RC3H1: variants seen among roughly 807,000 people sequenced by gnomAD.
RC3H1 encodes the protein ring finger and CCCH-type domains 1.
RC3H1 carries 50 observed loss-of-function variants against 138.2 expected under a neutral mutation model. That is an observed-to-expected ratio of 0.36 (90% CI 0.29 to 0.46). The LOEUF is 0.46. Ranked by LOEUF, RC3H1 falls within the 20% of genes least tolerant of loss-of-function variation. The pLI is 1.00. For synonymous variants in RC3H1, 462 were observed against 489.1 expected (o/e 0.94, Z 0.73); for missense variants, 1,031 against 1,388.1 (o/e 0.74, Z 4.09).
rs529432205 is a variant in RC3H1 at position 174,011,385 on chromosome 1, A to G, written c.-151+10711T>C. Among the ~76,000 whole-genome samples, 3 of 152,208 alleles carry G rather than the reference A, an allele frequency of 2.0e-5. No individual in the cohort carries two copies. In the East Asian group the frequency reaches 5.8e-4, roughly 29 times the overall value. On this transcript the variant is annotated intron_variant, in intron 1 of 19. Coordinates refer to ENST00000367696, the MANE Select transcript of RC3H1 (RefSeq NM_172071.4). ...TTGACAGTTTTAACTAAAACCATTC[A>G]AAAACTGCTATCAATGGGGTAATTA...
chr1:173,933,020 G>T lies in RC3H1; in HGVS notation c.*5701C>A, dbSNP rs189171042. 6.6e-6 allele frequency: 1 copy of T among 151,906 alleles called. No homozygotes were observed. The highest frequency in any genetic ancestry group is 6.6e-5 in the Admixed American group (1 of 15,262). 9.4% of individuals were successfully genotyped at this position (151,906 alleles called of 1,614,324 possible). A position where few individuals can be genotyped will look rare whatever the true frequency, so the allele number is the denominator to read the frequency against. ...CAGAAACAAAAACAAATCTGAAACA[G>T]TAAGACCTCAATACAAGAAAACAAG... On this transcript the variant is annotated 3_prime_UTR_variant, in exon 20 of 20. Coordinates refer to ENST00000367696, the MANE Select transcript of RC3H1 (RefSeq NM_172071.4).
intron 11 of RC3H1, among the ~76,000 whole-genome samples, chr1:173,963,011 T>C (rs903444046): frequency 6.6e-6 from 1 of 152,214 alleles, no homozygotes; most frequent in Non-Finnish European, 1.5e-5. Context: ...TTAAAAATTA[T>C]AGTACTATAC....
intron 2 of RC3H1, among the ~76,000 whole-genome samples, chr1:173,990,827 C>T (rs559594042): frequency 2.0e-5 from 3 of 152,254 alleles, no homozygotes; most frequent in Admixed American, 2.0e-4. Context: ...TGGTCTTGAT[C>T]TCCTGACCTC....
chr1:174,005,728 A>T (rs905959127), intron 1 of RC3H1, among the ~76,000 whole-genome samples: 2 of 152,176 alleles, frequency 1.3e-5, no homozygotes, highest in Non-Finnish European at 2.9e-5. Flanking sequence ...AAAAATATTT[A>T]CCATTTGTGC....
chr1:173,994,208 A>G (rs1661405626), intron 1 of RC3H1, among the ~76,000 whole-genome samples: 1 of 151,878 alleles, frequency 6.6e-6, no homozygotes, highest in Non-Finnish European at 1.5e-5. Flanking sequence ...ACTGGCCAAC[A>G]TGGTGAAACC....
chr1:173,968,707 G>T (rs1317952860), intron 9 of RC3H1, among the ~76,000 whole-genome samples: 1 of 152,034 alleles, frequency 6.6e-6, no homozygotes, highest in Non-Finnish European at 1.5e-5. Flanking sequence ...ATTACTAGCA[G>T]AAAATTTTGC....
chr1:173,975,572 T>C (rs1660539653), intron 7 of RC3H1, among the ~76,000 whole-genome samples: 1 of 151,936 alleles, frequency 6.6e-6, no homozygotes, highest in South Asian at 2.1e-4. Context: ...TGCTAAGATC[T>C]GAAATAATTA....
chr1:174,013,365 G>A (rs1435120301), intron 1 of RC3H1, among the ~76,000 whole-genome samples: 1 of 151,964 alleles, frequency 6.6e-6, no homozygotes, highest in Non-Finnish European at 1.5e-5. Context: ...TTGAGCCCTT[G>A]AAATGTGCTG....
intron 11 of RC3H1, 144 bp downstream of exon 11, chr1:173,963,829 A>G (rs993424781): frequency 3.0e-6 from 2 of 658,376 alleles, no homozygotes; most frequent in African/African-American, 3.6e-5. Context: ...TAATCATAAA[A>G]TCTCAATTTT....
rs898902401 is a variant in RC3H1 at position 173,946,893 on chromosome 1, T to C, written c.2738-57A>G. The C allele has an allele frequency of 6.6e-6, 8 of 1,212,950 alleles. No homozygotes were observed. In the African/African-American group the frequency reaches 1.0e-4, roughly 16 times the overall value. The allele number at this position is 1,212,950 out of a possible 1,614,324, so 75.1% of individuals were successfully genotyped here. ...CACAGATTTGATTCTTCTTTTAAGG[T>C]ATTCATAATCTGAAAGACATCAGCG... is the stretch of plus-strand genomic sequence containing the variant. On this transcript the variant is annotated intron_variant, in intron 15 of 19. Coordinates refer to ENST00000367696, the MANE Select transcript of RC3H1 (RefSeq NM_172071.4).
rs150265616 is a variant in RC3H1 at position 173,962,214 on chromosome 1, C to T, written c.1832-119G>A. The T allele has an allele frequency of 1.3e-4, 134 of 1,001,616 alleles. 1 individual carries two copies. The African/African-American group carries it at 1.4e-3, about 10-fold the overall frequency. 62.0% of individuals were successfully genotyped at this position (1,001,616 alleles called of 1,614,324 possible). ...TATTGATAATCTACTTATTTCTTTA[C>T]GAGTTTTCCATCTGCTTATATAATC... On this transcript the variant is annotated intron_variant, in intron 11 of 19. Transcript: ENST00000367696.
chr1:173,950,871 C>G (rs1436851371), intron 14 of RC3H1, among the ~76,000 whole-genome samples: 2 of 150,500 alleles, frequency 1.3e-5, no homozygotes, highest in African/African-American at 4.9e-5. Context: ...ATCTCTACAA[C>G]ATTTTTTTAA....
intron 1 of RC3H1, among the ~76,000 whole-genome samples, chr1:174,002,221 A>C (rs1661577561): frequency 6.6e-6 from 1 of 152,178 alleles, no homozygotes; most frequent in African/African-American, 2.4e-5. Flanking sequence ...CATCTTTTGA[A>C]ATCAGTCCTC....
intron 1 of RC3H1, among the ~76,000 whole-genome samples, chr1:173,996,639 G>T (rs1661466591): frequency 6.6e-6 from 1 of 152,140 alleles, no homozygotes; most frequent in Non-Finnish European, 1.5e-5. Flanking sequence ...CATCCTGGGA[G>T]AAGCTATAGC....
chr1:173,962,871 T>C (rs1262571955), intron 11 of RC3H1, among the ~76,000 whole-genome samples: 1 of 152,210 alleles, frequency 6.6e-6, no homozygotes, highest in African/African-American at 2.4e-5. Flanking sequence ...TTTTATCATA[T>C]TTTGCATGAA....
intron 13 of RC3H1, among the ~76,000 whole-genome samples, chr1:173,959,978 C>T (rs891329313): frequency 4.6e-5 from 7 of 151,516 alleles, no homozygotes; most frequent in African/African-American, 1.2e-4. Context: ...CGTGGTGGTG[C>T]GTGCCTGTAA....
At chr1:173,976,726 GA>G (rs906820106) in intron 7 of RC3H1, among the ~76,000 whole-genome samples, 1 of 151,978 alleles carries the variant, frequency 6.6e-6, no homozygotes, top group Admixed American at 6.6e-5. Flanking sequence ...AGCAGTCAGG[GA>G]AAAAAATCAC....
At chr1:173,964,446 C>A in intron 10 of RC3H1, among the ~76,000 whole-genome samples, 1 of 152,120 alleles carries the variant, frequency 6.6e-6, no homozygotes, top group Non-Finnish European at 1.5e-5. Flanking sequence ...CGGCTTACTG[C>A]AACCTCCGCC....
intron 7 of RC3H1, 58 bp from the exon 8 acceptor site, chr1:173,972,685 T>C: frequency 8.9e-7 from 1 of 1,126,316 alleles, no homozygotes; most frequent in Non-Finnish European, 1.4e-6. Context: ...TTCCCTAATA[T>C]CAAATTAATA....
Sources: gnomAD v4.1 joint callset for allele counts (sites outside exome capture counted in the v4.1 genomes callset) on GRCh38, gnomAD v4.1.1 for gene constraint, MANE v1.5 for transcripts, NCBI Gene and HGNC (gene_info 2026-07-23, HGNC 2026-07-21) for gene names.